Variants in SH3PXD2A observed in about 807,000 individuals in gnomAD.
The protein encoded by SH3PXD2A is SH3 and PX domain-containing protein 2A.
Under a neutral mutation model 115.2 loss-of-function variants are expected in SH3PXD2A, and 32 were observed. The observed-to-expected ratio is 0.28, with a 90% CI of 0.21 to 0.37. The LOEUF is 0.37. Ranked by LOEUF, SH3PXD2A falls within the 10% of genes least tolerant of loss-of-function variation. The pLI is 1.00. For missense variants in SH3PXD2A, 1,328 were observed against 1,498.7 expected (o/e 0.89, Z 1.88); for synonymous variants, 610 against 629.1 (o/e 0.97, Z 0.45).
chr10:103,735,687 G>T, intron 4 of SH3PXD2A, 45 bp downstream of exon 4: 1 of 1,418,848 alleles, frequency 7.0e-7, no homozygotes, highest in Non-Finnish European at 9.9e-7. Flanking sequence ...TCTCCTCCCT[G>T]AAGCCCTCCC....
At chr10:103,637,129 C>T (rs989880054) in intron 8 of SH3PXD2A, among the ~76,000 whole-genome samples, 6 of 152,184 alleles carry the variant, frequency 3.9e-5, no homozygotes, top group Admixed American at 6.5e-5. Flanking sequence ...AACACGCATC[C>T]GGGACTCATG....
intron 2 of SH3PXD2A, among the ~76,000 whole-genome samples, chr10:103,769,193 C>T (rs1466892591): frequency 2.0e-5 from 3 of 149,408 alleles, no homozygotes; most frequent in African/African-American, 5.0e-5. Flanking sequence ...CGCGCGCGCG[C>T]GCATTTATTT....
intron 1 of SH3PXD2A, among the ~76,000 whole-genome samples, chr10:103,823,078 G>A (rs1330332549): frequency 6.6e-6 from 1 of 152,140 alleles, no homozygotes; most frequent in African/African-American, 2.4e-5. Context: ...CAATTCCCCT[G>A]CTAGGAATTT....
intron 7 of SH3PXD2A, 35 bp from the exon 8 acceptor site, chr10:103,661,149 G>C (rs1352005832): frequency 1.9e-6 from 3 of 1,603,544 alleles, no homozygotes; most frequent in Non-Finnish European, 2.6e-6. Flanking sequence ...TGAGCCAGCG[G>C]CCAGCCATGG....
At chr10:103,610,440 AGT>A (rs1415528428) in intron 13 of SH3PXD2A, among the ~76,000 whole-genome samples, 8 of 152,376 alleles carry the variant, frequency 5.3e-5, no homozygotes, top group African/African-American at 1.9e-4. Context: ...GGGAGAATTC[AGT>A]GTTTGGGTGT....
At chr10:103,711,684 T>A (rs1434328154) in intron 5 of SH3PXD2A, among the ~76,000 whole-genome samples, 1 of 152,182 alleles carries the variant, frequency 6.6e-6, no homozygotes, top group Non-Finnish European at 1.5e-5. Context: ...GGAACAGGCA[T>A]GTCCTCCCCT....
chr10:103,799,566 TGGG>T (rs1421168006), intron 2 of SH3PXD2A, among the ~76,000 whole-genome samples: 15 of 151,934 alleles, frequency 9.9e-5, no homozygotes, highest in Admixed American at 7.9e-4. Flanking sequence ...GAGGTGGTGG[TGGG>T]GGAGCAGCAT....
chr10:103,657,967 G>A (rs190291319), intron 8 of SH3PXD2A, among the ~76,000 whole-genome samples: 1 of 152,332 alleles, frequency 6.6e-6, no homozygotes, highest in East Asian at 1.9e-4. Context: ...GTTGAGGGGA[G>A]AGATCTTAGC....
intron 1 of SH3PXD2A, among the ~76,000 whole-genome samples, chr10:103,833,802 C>A (rs565636693): frequency 7.9e-5 from 12 of 152,258 alleles, no homozygotes; most frequent in African/African-American, 2.4e-4. Context: ...TTAGCTGCCC[C>A]CAAGAGAGAA....
At chr10:103,644,457 C>T (rs754025834) in intron 8 of SH3PXD2A, among the ~76,000 whole-genome samples, 6 of 151,744 alleles carry the variant, frequency 4.0e-5, no homozygotes, top group South Asian at 2.1e-4. Context: ...CATAGTGGTA[C>T]GCACCTGTGG....
chr10:103,692,779 C>G (rs1359945600), intron 6 of SH3PXD2A, among the ~76,000 whole-genome samples: 1 of 152,160 alleles, frequency 6.6e-6, no homozygotes, highest in Non-Finnish European at 1.5e-5. Context: ...CCACTAGGGA[C>G]AGCGAGGTAG....
At chr10:103,727,820 ATT>A (rs1314559835) in intron 4 of SH3PXD2A, among the ~76,000 whole-genome samples, 1 of 152,194 alleles carries the variant, frequency 6.6e-6, no homozygotes, top group African/African-American at 2.4e-5. Flanking sequence ...GCTCGTCCTG[ATT>A]TCAGGCTGAC....
intron 6 of SH3PXD2A, among the ~76,000 whole-genome samples, chr10:103,677,432 G>A (rs2037551444): frequency 6.6e-6 from 1 of 152,172 alleles, no homozygotes; most frequent in Non-Finnish European, 1.5e-5. Flanking sequence ...ACCCATCTTT[G>A]GGGTAGGGCT....
chr10:103,746,367 T>C lies in SH3PXD2A; in HGVS notation c.230-10559A>G, dbSNP rs2038502827. Among the ~76,000 whole-genome samples the C allele has an allele frequency of 6.6e-6, 1 of 152,184 alleles. No homozygotes were observed. The highest frequency in any genetic ancestry group is 2.4e-5 in the African/African-American group (1 of 41,446). On this transcript the variant is annotated intron_variant, in intron 3 of 14. Transcript: ENST00000369774. The surrounding 1 kb of genome is among the most constrained non-coding windows in gnomAD (Gnocchi z 4.4). ...CAGGGTCTTGCTCTGTTGCCCAGCC[T>C]GGAGTGCAGGGGAGTGATCTCGGCT...
rs1176333434 is a variant in SH3PXD2A at position 103,724,322 on chromosome 10, C to T, written c.346G>A (p.Glu116Lys). Residue 116 changes from glutamate to lysine, a missense_variant, in exon 5 of 15, where the codon GAA (glutamate) becomes AAA (lysine). This residue lies in a region of SH3PXD2A where 110 missense variants were observed against 160.0 expected (regional missense o/e 0.69). Transcript: ENST00000369774. ...RLPPHISQCD[E>K]VFRFFEARPE... ...CGAGCCTCGAAGAACCGGAAGACTT[C>T]GTCACACTGTGAGATGTGGGGGGGC... 3.2e-6 allele frequency: 5 copies of T among 1,584,818 alleles called. No individual in the cohort carries two copies. The highest frequency in any genetic ancestry group is 1.4e-5 in the African/African-American group (1 of 72,796).
intron 3 of SH3PXD2A, among the ~76,000 whole-genome samples, chr10:103,757,516 A>G (rs1260166356): frequency 2.0e-5 from 3 of 152,186 alleles, no homozygotes; most frequent in Non-Finnish European, 4.4e-5. Flanking sequence ...ATTCCCTTCT[A>G]GAATGATTGG....
intron 13 of SH3PXD2A, among the ~76,000 whole-genome samples, chr10:103,608,152 A>AAAAAAAAAAAAAAAAAAGTTTAC (rs2036358477): frequency 7.2e-6 from 1 of 138,720 alleles, no homozygotes; most frequent in Non-Finnish European, 1.6e-5. Context: ...GATCAATTTA[A>AAAAAAAAAAAAAAAAAAGTTTAC]AAAAAAAAAA....
chr10:103,679,155 G>C (rs61870180), intron 6 of SH3PXD2A, among the ~76,000 whole-genome samples: 1 of 152,192 alleles, frequency 6.6e-6, no homozygotes, highest in Non-Finnish European at 1.5e-5. Flanking sequence ...ACCCCTACAT[G>C]GCGTGGCCCC....
At chr10:103,686,642 C>G (rs1299364339) in intron 6 of SH3PXD2A, among the ~76,000 whole-genome samples, 5 of 152,164 alleles carry the variant, frequency 3.3e-5, no homozygotes, top group Non-Finnish European at 5.9e-5. Context: ...GCTACTATAA[C>G]AACCCCATTT....
Sources: gnomAD v4.1 joint callset for allele counts (sites outside exome capture counted in the v4.1 genomes callset) on GRCh38, gnomAD v4.1.1 for gene constraint, gnomAD v4.1.1 regional missense constraint, Gnocchi (gnomAD v3.1) non-coding constraint, MANE v1.5 for transcripts, NCBI Gene and HGNC (gene_info 2026-07-23, HGNC 2026-07-21) for gene names.